PRUNE2: variants seen among roughly 807,000 people sequenced by gnomAD.
PRUNE2 encodes the protein protein prune homolog 2.
A neutral mutation model predicts 252.0 loss-of-function variants in PRUNE2; 164 were observed. The ratio of observed to expected loss-of-function variants is 0.65; its 90% CI spans 0.57 to 0.74. PRUNE2 has a LOEUF of 0.74. Ranked by LOEUF, PRUNE2 falls within the 30% of genes least tolerant of loss-of-function variation. PRUNE2 has a pLI of 0.00. For synonymous variants in PRUNE2, 1,292 were observed against 1,350.2 expected, an observed-to-expected ratio of 0.96 and a Z score of 0.94; for missense variants, 3,495 against 3,711.0, an observed-to-expected ratio of 0.94 and a Z score of 1.51.
At chr9:76,801,351 T>C (rs1010482682) in intron 6 of PRUNE2, among the ~76,000 whole-genome samples, 9 of 152,298 alleles carry the variant, frequency 5.9e-5, no homozygotes, top group African/African-American at 2.2e-4. Flanking sequence ...GAATGCAAAA[T>C]AGATCTAGAA....
chr9:76,712,440 G>A (rs2046806199), intron 7 of PRUNE2, among the ~76,000 whole-genome samples: 1 of 116,550 alleles, frequency 8.6e-6, no homozygotes, highest in Non-Finnish European at 1.6e-5. Context: ...CCAGGACTCT[G>A]TTGCTTAAGA....
intron 1 of PRUNE2, among the ~76,000 whole-genome samples, chr9:76,903,480 T>G (rs1256211037): frequency 6.6e-6 from 1 of 152,194 alleles, no homozygotes; most frequent in African/African-American, 2.4e-5. Flanking sequence ...TCCTACATTC[T>G]AATTCTGGTC....
At chr9:76,823,820 T>TTC in intron 5 of PRUNE2, 94 bp from the exon 6 acceptor site, 1 of 731,560 alleles carries the variant, frequency 1.4e-6, no homozygotes, top group Non-Finnish European at 2.4e-6. Flanking sequence ...ACTCTGTAAA[T>TTC]TTCATTCTTT....
At chr9:76,645,170 G>A (rs1024276754) in intron 11 of PRUNE2, 2 of 357,744 alleles carry the variant, frequency 5.6e-6, no homozygotes, top group Non-Finnish European at 1.0e-5. Flanking sequence ...GCCATGCTGA[G>A]GGGGAGACTA....
At chr9:76,872,914 G>T (rs995346395) in intron 1 of PRUNE2, among the ~76,000 whole-genome samples, 3 of 152,112 alleles carry the variant, frequency 2.0e-5, no homozygotes, top group Admixed American at 6.5e-5. Flanking sequence ...TCATGCAGAT[G>T]TAATTAGTTA....
Position 76,706,546 on chromosome 9 carries a change from T to C in PRUNE2, c.5728A>G (p.Ile1910Val), listed in dbSNP as rs767799309. 1.9e-6 allele frequency: 3 copies of C among 1,614,012 alleles called. No homozygotes were observed. The highest frequency in any genetic ancestry group is 2.5e-6 in the Non-Finnish European group (3 of 1,179,886). Residue 1910 changes from isoleucine to valine, a missense_variant, in exon 8 of 19, where the codon ATT (isoleucine) becomes GTT (valine). Coordinates refer to ENST00000376718, the MANE Select transcript of PRUNE2 (RefSeq NM_015225.3). The part of the protein sequence containing the change: ...GKNSHEQLWN[I>V]QPRQPDPDAD... ...TCTGGGTCTGGCTGCCTTGGTTGAA[T>C]GTTCCAGAGTTGCTCATGGGAGTTC...
At chr9:76,692,257 G>A (rs2044842734) in intron 9 of PRUNE2, 18 of 688,090 alleles carry the variant, frequency 2.6e-5, no homozygotes, top group South Asian at 1.6e-4. Flanking sequence ...CCATGCAGCC[G>A]CTGTGGCTAG....
chr9:76,706,450 C>A lies in PRUNE2; in HGVS notation c.5824G>T (p.Val1942Leu), dbSNP rs757096762. The change falls in exon 8 of 19, where the codon GTG becomes TTG. Residue 1942 changes from valine (V) to leucine (L), a missense_variant. Physicochemically the swap from Val to Leu is conservative, Grantham distance 32. Coordinates refer to ENST00000376718, the MANE Select transcript of PRUNE2 (RefSeq NM_015225.3). ...KEKDSREQTF[V>L]SAAGDELTPE... The stretch of plus-strand genomic sequence containing the variant: ...GTCAGCTCATCACCAGCAGCAGACA[C>A]AAAGGTTTGCTCTCTTGAGTCCTTT... The A allele has an allele frequency of 6.2e-7, 1 of 1,613,994 alleles. No individual in the cohort carries two copies.
chr9:76,741,427 G>A (rs1442381714), intron 6 of PRUNE2, among the ~76,000 whole-genome samples: 2 of 152,192 alleles, frequency 1.3e-5, no homozygotes, highest in African/African-American at 4.8e-5. Flanking sequence ...ATACTGTGGA[G>A]TCCTAATTAG....
At chr9:76,622,309 G>T (rs1467642883) in intron 17 of PRUNE2, among the ~76,000 whole-genome samples, 1 of 151,992 alleles carries the variant, frequency 6.6e-6, no homozygotes, top group East Asian at 1.9e-4. Context: ...CAAAATAGTG[G>T]ATGTGAGAGA....
intron 6 of PRUNE2, chr9:76,785,661 G>A (rs2054899611): frequency 6.6e-6 from 1 of 152,072 alleles, no homozygotes; most frequent in African/African-American, 2.4e-5. Flanking sequence ...GCACTCTTGT[G>A]AGCCACTTTA....
intron 4 of PRUNE2, among the ~76,000 whole-genome samples, chr9:76,833,592 C>T (rs554993622): frequency 1.4e-3 from 219 of 151,774 alleles, no homozygotes; most frequent in Middle Eastern, 3.4e-3. Flanking sequence ...GGTGAAACCC[C>T]GTCTCTACTT....
chr9:76,818,288 G>A (rs1452926989), intron 6 of PRUNE2, among the ~76,000 whole-genome samples: 1 of 152,172 alleles, frequency 6.6e-6, no homozygotes, highest in Non-Finnish European at 1.5e-5. Context: ...TTTCAGACTG[G>A]TGCGCTGAGT....
At chr9:76,860,599 T>C (rs538911651) in intron 1 of PRUNE2, among the ~76,000 whole-genome samples, 7 of 152,270 alleles carry the variant, frequency 4.6e-5, no homozygotes, top group Non-Finnish European at 8.8e-5. Flanking sequence ...TGCTCAAATA[T>C]CCCCAAATCT....
At chr9:76,870,397 A>T (rs2061116134) in intron 1 of PRUNE2, among the ~76,000 whole-genome samples, 1 of 151,862 alleles carries the variant, frequency 6.6e-6, no homozygotes, top group Non-Finnish European at 1.5e-5. Flanking sequence ...TAAAAAAAAA[A>T]TCCTCCGGCC....
intron 17 of PRUNE2, among the ~76,000 whole-genome samples, chr9:76,619,993 A>G (rs1177395135): frequency 1.3e-5 from 2 of 152,114 alleles, no homozygotes. Context: ...AATAAATAAA[A>G]GTGTTTTTAT....
intron 6 of PRUNE2, among the ~76,000 whole-genome samples, chr9:76,766,040 G>A (rs550317703): frequency 1.9e-3 from 295 of 151,922 alleles, no homozygotes; most frequent in African/African-American, 6.5e-3. Flanking sequence ...AAAAATAGCC[G>A]CGCGTGGTGG....
intron 1 of PRUNE2, chr9:76,868,811 T>G (rs1258806588): frequency 8.0e-6 from 1 of 124,620 alleles, no homozygotes; most frequent in African/African-American, 3.1e-5. Context: ...TCATAAATAA[T>G]TTTACTTTAA....
At chr9:76,729,340 G>A (rs572267753) in intron 6 of PRUNE2, among the ~76,000 whole-genome samples, 2 of 152,250 alleles carry the variant, frequency 1.3e-5, no homozygotes, top group South Asian at 2.1e-4. Context: ...TAGTTCTAGC[G>A]AGCTCTCAGG....
Sources: allele counts gnomAD v4.1 joint callset (sites outside exome capture counted in the v4.1 genomes callset), GRCh38; gene constraint gnomAD v4.1.1; transcripts MANE v1.5; gene names NCBI Gene and HGNC (gene_info 2026-07-23, HGNC 2026-07-21).